PYROXD2: variants seen among roughly 807,000 people sequenced by gnomAD.
The protein encoded by PYROXD2 is pyridine nucleotide-disulfide oxidoreductase domain-containing protein 2.
Under a neutral mutation model 71.1 loss-of-function variants are expected in PYROXD2, and 69 were observed. That is an observed-to-expected ratio of 0.97 (90% CI 0.80 to 1.19). PYROXD2 has a LOEUF of 1.19. PYROXD2 is among the 50% of genes most tolerant of loss of function. The probability of loss-of-function intolerance (pLI) is 0.00; values close to 1 mark genes in which losing one functional copy is unlikely to be tolerated. For missense variants in PYROXD2, 745 were observed against 748.9 expected (o/e 0.99, Z 0.06); for synonymous variants, 287 against 302.7 (o/e 0.95, Z 0.54).
At chr10:98,395,146 G>A in intron 8 of PYROXD2, 50 bp downstream of exon 8, 1 of 1,501,984 alleles carries the variant, frequency 6.7e-7, no homozygotes, top group Non-Finnish European at 9.3e-7. Context: ...CCTCACTCCT[G>A]TTGGGGAACA....
intron 12 of PYROXD2, among the ~76,000 whole-genome samples, chr10:98,390,136 C>A (rs1251869239): frequency 6.6e-6 from 1 of 152,154 alleles, no homozygotes; most frequent in Non-Finnish European, 1.5e-5. Context: ...TCCTATAGCG[C>A]CCCTGCCTGT....
At position 98,388,455 on chromosome 10, in the gene PYROXD2, G is replaced by A. The variant is rs1465288499; in HGVS notation, c.1346C>T (p.Pro449Leu). 5.0e-6 allele frequency: 8 copies of A among 1,612,390 alleles called. No individual in the cohort carries two copies. In the East Asian group the frequency reaches 1.6e-4, roughly 31 times the overall value. Residue 449 changes from proline (P) to leucine (L), a missense_variant, in exon 13 of 16, where the codon CCT becomes CTT. Physicochemically the swap from Pro to Leu is moderately conservative, Grantham distance 98. Coordinates refer to ENST00000370575, the MANE Select transcript of PYROXD2 (RefSeq NM_032709.3). The stretch of plus-strand genomic sequence containing the variant: ...GAAGAGGGAGACTACATGGCAGCCA[G>A]GGGGAGCCAGGGTGGGGTCCAGCGA... ...PSSLDPTLAP[P>L]GCHVVSLFTQ...
intron 4 of PYROXD2, among the ~76,000 whole-genome samples, chr10:98,407,268 GCAGCTGTAAGCT>G (rs1416950347): frequency 2.0e-5 from 3 of 152,210 alleles, no homozygotes; most frequent in African/African-American, 4.8e-5. Context: ...ATGTCCCAAG[GCAGCTGTAAGCT>G]CAGGCGCCCA....
At position 98,410,945 on chromosome 10, in the gene PYROXD2, C is replaced by A; in HGVS notation, c.141G>T (p.Leu47=). 6.4e-7 allele frequency: 1 copy of A among 1,564,418 alleles called. No individual in the cohort carries two copies. The highest frequency in any genetic ancestry group is 8.7e-7 in the Non-Finnish European group (1 of 1,153,622). The change falls in exon 2 of 16, where the codon CTG becomes CTT. Residue 47 remains leucine, a synonymous_variant. Transcript: ENST00000370575. ...AVVIGAGHNG[L]VAAAYLQRLG... ...CAAGTGGGGAGGTACTCACAGCCACCAGTCCGTTGTGTCCTGCAACAAAAC... is the reference window on the plus strand; with the variant it reads ...CAAGTGGGGAGGTACTCACAGCCACAAGTCCGTTGTGTCCTGCAACAAAAC...
chr10:98,390,915 T>C, intron 11 of PYROXD2, 95 bp downstream of exon 11: 2 of 1,334,964 alleles, frequency 1.5e-6, no homozygotes, highest in South Asian at 2.3e-5. Flanking sequence ...GGTCCGGGAA[T>C]GGAGATGATG....
intron 4 of PYROXD2, among the ~76,000 whole-genome samples, chr10:98,405,299 T>A (rs961672778): frequency 6.6e-6 from 1 of 151,848 alleles, no homozygotes; most frequent in Non-Finnish European, 1.5e-5. Flanking sequence ...CCACAGCGGG[T>A]CAGTGGAGGG....
chr10:98,393,030 C>T lies in PYROXD2; in HGVS notation c.839G>A (p.Trp280Ter). 1 of 1,609,288 alleles carries T rather than the reference C, an allele frequency of 6.2e-7. No individual in the cohort carries two copies. The highest frequency in any genetic ancestry group is 8.5e-7 in the Non-Finnish European group (1 of 1,177,372). ...MGGLEGMQGA[W>*]GYVQGGMGAL... is the part of the protein sequence containing the mutation. ...ACCCATGCCCCCCTGGACGTAGCCC[C>T]AGGCCCCCTGCATTCCCTCCAGGCC... Residue 280 changes from tryptophan to a stop codon, truncating the protein, a stop_gained, in exon 9 of 16, where the codon TGG becomes TAG. Transcript: ENST00000370575. LOFTEE classifies it high-confidence loss of function.
intron 11 of PYROXD2, 98 bp from the exon 12 acceptor site, chr10:98,390,852 G>A (rs1025214503): frequency 3.0e-5 from 44 of 1,459,998 alleles, no homozygotes; most frequent in Non-Finnish European, 2.9e-5. Context: ...GAGTAGGAAA[G>A]TATGAGCAAG....
rs561553601 is a variant in PYROXD2, at chr10:98,387,457, A to G, written c.1448-150T>C. 512 of 606,340 alleles carry G rather than the reference A, an allele frequency of 8.4e-4. 1 individual carries two copies. The highest frequency in any genetic ancestry group is 1.6e-3 in the Admixed American group (51 of 32,826). 37.6% of individuals were successfully genotyped at this position (606,340 alleles called of 1,614,324 possible). On this transcript the variant is annotated intron_variant, in intron 13 of 15. Transcript: ENST00000370575. ...ATGCAAATTATACCTCAATAGGTGAAAAACAAAAATCAGTCCACAAGCAAA... is the reference window on the plus strand; with the variant it reads ...ATGCAAATTATACCTCAATAGGTGAGAAACAAAAATCAGTCCACAAGCAAA...
Position 98,398,323 on chromosome 10 carries a change from T to C in PYROXD2, c.472-825A>G, listed in dbSNP as rs1389280538. ...CCTCCTCTCACCCCACAAGCTCCCA[T>C]GTCAGAATCCACTTTCGAAAGCCTG... is the stretch of plus-strand genomic sequence containing the variant. On this transcript the variant is annotated intron_variant, in intron 5 of 15. Transcript: ENST00000370575. 3.9e-5 allele frequency among the ~76,000 whole-genome samples: 6 copies of C among 152,074 alleles called. 1 individual carries two copies. Among genetic ancestry groups the C allele is most frequent in the Admixed American group, 3.3e-4 (5 of 15,258 alleles).
chr10:98,403,879 A>G (rs1331665111), intron 4 of PYROXD2, among the ~76,000 whole-genome samples: 1 of 152,216 alleles, frequency 6.6e-6, no homozygotes, highest in East Asian at 1.9e-4. Context: ...GGCACATAGC[A>G]GGTGCTCAGA....
chr10:98,397,886 T>C (rs1843249444), intron 5 of PYROXD2, among the ~76,000 whole-genome samples: 2 of 143,512 alleles, frequency 1.4e-5, no homozygotes, highest in African/African-American at 2.6e-5. Context: ...TCTTTTTTTT[T>C]TTTTTTTTTT....
chr10:98,390,586 C>T lies in PYROXD2; in HGVS notation c.1292+12G>A, dbSNP rs755836118. 11 of 1,569,574 alleles carry T rather than the reference C, an allele frequency of 7.0e-6. No individual in the cohort carries two copies. The highest frequency in any genetic ancestry group is 1.7e-4 in the Middle Eastern group (1 of 5,832). ...GAAGAACATCAGGGAACATAAAGTC[C>T]AGGGCCCCTACCTGTGGGAAGGCAG... On this transcript the variant is annotated intron_variant, in intron 12 of 15. Transcript: ENST00000370575.
At chr10:98,414,178 C>T (rs1235041130) in intron 1 of PYROXD2, 1 of 152,104 alleles carries the variant, frequency 6.6e-6, no homozygotes, top group Non-Finnish European at 1.5e-5. Context: ...CTCGCAACTG[C>T]TCTAGTACAT....
chr10:98,407,873 C>T lies in PYROXD2; in HGVS notation c.241+31G>A, dbSNP rs757627548. 21 of 1,573,584 alleles carry T rather than the reference C, an allele frequency of 1.3e-5. 1 individual carries two copies. The highest frequency in any genetic ancestry group is 1.8e-5 in the Non-Finnish European group (21 of 1,158,238). ...GAGACTGTCACCCTGAGTCACTGCC[C>T]TCCACTCCCCCATGCCACATCAGAG... On this transcript the variant is annotated intron_variant, in intron 3 of 15. Transcript: ENST00000370575.
intron 5 of PYROXD2, among the ~76,000 whole-genome samples, chr10:98,398,256 C>T (rs908792041): frequency 6.6e-6 from 1 of 152,112 alleles, no homozygotes; most frequent in African/African-American, 2.4e-5. Flanking sequence ...GTCTGTAGGT[C>T]GTCTCCCATG....
intron 2 of PYROXD2, among the ~76,000 whole-genome samples, chr10:98,408,356 C>G (rs368051519): frequency 6.6e-6 from 1 of 152,382 alleles, no homozygotes; most frequent in Admixed American, 6.5e-5. Flanking sequence ...AGCCTCATTT[C>G]TCCTACAAGC....
intron 2 of PYROXD2, among the ~76,000 whole-genome samples, chr10:98,410,211 C>T (rs191487120): frequency 3.3e-5 from 5 of 152,288 alleles, no homozygotes; most frequent in African/African-American, 7.2e-5. Context: ...AACATCAGTC[C>T]GTTAGCACAG....
At chr10:98,401,887 T>C (rs993859432) in intron 4 of PYROXD2, among the ~76,000 whole-genome samples, 5 of 152,140 alleles carry the variant, frequency 3.3e-5, no homozygotes, top group African/African-American at 1.2e-4. Flanking sequence ...CTGAGGCTGT[T>C]TGACAGTGAA....
Sources: allele counts gnomAD v4.1 joint callset (sites outside exome capture counted in the v4.1 genomes callset), GRCh38; gene constraint gnomAD v4.1.1; transcripts MANE v1.5; gene names NCBI Gene and HGNC (gene_info 2026-07-23, HGNC 2026-07-21).